The following CARMIL1 variants were observed in gnomAD, a reference collection of about 807,000 sequenced individuals.
CARMIL1 encodes F-actin-uncapping protein LRRC16A.
Under a neutral mutation model 177.1 loss-of-function variants are expected in CARMIL1, and 90 were observed. That is an observed-to-expected ratio of 0.51 (90% CI 0.43 to 0.61). The LOEUF (loss-of-function observed/expected upper bound fraction) is 0.61, where lower values mean the gene tolerates loss of function less well. Among genes scored for constraint, CARMIL1 ranks in the 20% least tolerant of loss-of-function variants. The pLI is 0.00. For missense variants in CARMIL1, 1,380 were observed against 1,667.0 expected (o/e 0.83, Z 3.00); for synonymous variants, 577 against 606.2 (o/e 0.95, Z 0.71).
chr6:25,349,963 G>A (rs1787952532), intron 2 of CARMIL1, among the ~76,000 whole-genome samples: 1 of 151,972 alleles, frequency 6.6e-6, no homozygotes. Flanking sequence ...TCCTGACCTC[G>A]TGATCCGCCC....
At chr6:25,537,409 T>A (rs1808409861) in intron 24 of CARMIL1, among the ~76,000 whole-genome samples, 1 of 152,198 alleles carries the variant, frequency 6.6e-6, no homozygotes, top group Non-Finnish European at 1.5e-5. Flanking sequence ...CATTTTGTAG[T>A]CATTACAACA....
At chr6:25,364,572 C>CTTTTTTTTTTTTTTTTTT (rs199573991) in intron 2 of CARMIL1, among the ~76,000 whole-genome samples, 7 of 150,464 alleles carry the variant, frequency 4.7e-5, no homozygotes, top group African/African-American at 7.3e-5. Context: ...TCTTTTTCTT[C>CTTTTTTTTTTTTTTTTTT]TTTTTTTTGA....
chr6:25,514,100 A>G (rs1347810798), intron 20 of CARMIL1, among the ~76,000 whole-genome samples: 1 of 152,230 alleles, frequency 6.6e-6, no homozygotes, highest in South Asian at 2.1e-4. Context: ...AGGAAGCTCT[A>G]TTAATTTATT....
At chr6:25,481,272 G>A (rs540382484) in intron 11 of CARMIL1, among the ~76,000 whole-genome samples, 3 of 152,274 alleles carry the variant, frequency 2.0e-5, no homozygotes, top group South Asian at 4.1e-4. Flanking sequence ...AACACAGTGG[G>A]GAAATAGAGG....
rs373424069 is a variant in CARMIL1, at chr6:25,619,548, G to T, written c.4081G>T (p.Gly1361Trp). ...TCAAGGCAGCAAATCTAATGACTCC[G>T]GGGAAGAAGCAGAAAAAGAGTTTAT... ...GHQGSKSNDS[G>W]EEAEKEFIFV The change falls in exon 37 of 37, where the codon GGG (glycine) becomes TGG (tryptophan). Residue 1361 changes from glycine (G) to tryptophan (W), a missense_variant. Gly to Trp is a radical substitution (Grantham distance 184, BLOSUM62 -2). Transcript: ENST00000329474. 1 of 1,613,786 alleles carries T rather than the reference G, an allele frequency of 6.2e-7. No individual in the cohort carries two copies. Among genetic ancestry groups the T allele is most frequent in the Admixed American group, 1.7e-5 (1 of 59,998 alleles).
At position 25,556,750 on chromosome 6, in the gene CARMIL1, T is replaced by C; in HGVS notation, c.2642T>C (p.Leu881Ser). The C allele has an allele frequency of 6.2e-7, 1 of 1,613,496 alleles. No individual in the cohort carries two copies. The highest frequency in any genetic ancestry group is 8.5e-7 in the Non-Finnish European group (1 of 1,179,650). ...AAGACCCTTCCTCAACAAGAATCCT[T>C]AGAGATCGAGCTGGCTGAGGAGAAG... ...RGKTLPQQES[L>S]EIELAEEKPV... is the part of the protein sequence containing the mutation. The change falls in exon 29 of 37, where the codon TTA becomes TCA. Residue 881 changes from leucine (L) to serine (S), a missense_variant. Transcript: ENST00000329474.
chr6:25,371,405 A>C (rs554878469), intron 2 of CARMIL1, among the ~76,000 whole-genome samples: 19 of 152,340 alleles, frequency 1.2e-4, no homozygotes, highest in African/African-American at 4.1e-4. Flanking sequence ...TTTTTACCAC[A>C]TCCATGCCAA....
At chr6:25,471,127 CT>C in intron 9 of CARMIL1, 41 bp from the exon 10 acceptor site, 1 of 1,332,520 alleles carries the variant, frequency 7.5e-7, no homozygotes, top group South Asian at 1.3e-5. Context: ...AGTTTTTCTT[CT>C]TTAGAGTTAT....
intron 9 of CARMIL1, 60 bp from the exon 10 acceptor site, chr6:25,471,109 A>G (rs1801063331): frequency 8.8e-7 from 1 of 1,135,884 alleles, no homozygotes; most frequent in African/African-American, 1.6e-5. Flanking sequence ...ATAGATTTAT[A>G]ACAATAAAGT....
intron 2 of CARMIL1, among the ~76,000 whole-genome samples, chr6:25,289,190 C>G (rs923470352): frequency 6.6e-6 from 1 of 152,084 alleles, no homozygotes; most frequent in Non-Finnish European, 1.5e-5. Flanking sequence ...TGAGTAGTTC[C>G]ACTCTGGGCT....
At chr6:25,292,851 G>A (rs1782084184) in intron 2 of CARMIL1, among the ~76,000 whole-genome samples, 1 of 152,018 alleles carries the variant, frequency 6.6e-6, no homozygotes, top group Non-Finnish European at 1.5e-5. Flanking sequence ...GGGACATTGT[G>A]GACATTAAGA....
intron 2 of CARMIL1, among the ~76,000 whole-genome samples, chr6:25,357,325 T>G (rs1019529334): frequency 6.6e-6 from 1 of 152,212 alleles, no homozygotes; most frequent in Non-Finnish European, 1.5e-5. Flanking sequence ...CTCATGCCTG[T>G]AAGCCCAGCA....
At chr6:25,495,008 T>C in intron 15 of CARMIL1, 103 bp from the exon 16 acceptor site, 1 of 657,382 alleles carries the variant, frequency 1.5e-6, no homozygotes, top group Non-Finnish European at 2.6e-6. Flanking sequence ...TTTAAATTTC[T>C]GCAGAAAATA....
chr6:25,581,575 T>C (rs1323289689), intron 31 of CARMIL1, 136 bp downstream of exon 31: 2 of 727,882 alleles, frequency 2.7e-6, no homozygotes, highest in Non-Finnish European at 2.2e-6. Flanking sequence ...TTGCATGAGA[T>C]ATACAAAGTA....
intron 2 of CARMIL1, among the ~76,000 whole-genome samples, chr6:25,342,702 T>C (rs1787066819): frequency 1.3e-5 from 2 of 152,212 alleles, no homozygotes; most frequent in African/African-American, 4.8e-5. Flanking sequence ...TTTTTCTCTT[T>C]GGATGATTTT....
chr6:25,459,241 T>TC (rs1799829494), intron 8 of CARMIL1, among the ~76,000 whole-genome samples: 1 of 98,050 alleles, frequency 1.0e-5, no homozygotes, highest in Non-Finnish European at 2.1e-5. Flanking sequence ...TTTCTTTCTT[T>TC]CTTTCTTTCT....
At chr6:25,332,104 T>C (rs1785683780) in intron 2 of CARMIL1, among the ~76,000 whole-genome samples, 1 of 152,192 alleles carries the variant, frequency 6.6e-6, no homozygotes, top group Non-Finnish European at 1.5e-5. Context: ...CTCCAAGTGA[T>C]CCTCTCGCCT....
chr6:25,361,955 A>G (rs1789241053), intron 2 of CARMIL1, among the ~76,000 whole-genome samples: 1 of 152,154 alleles, frequency 6.6e-6, no homozygotes, highest in Non-Finnish European at 1.5e-5. Context: ...GACCCATAAG[A>G]CAGAGCAAAA....
At chr6:25,300,905 A>G (rs80260721) in intron 2 of CARMIL1, among the ~76,000 whole-genome samples, 4,255 of 152,342 alleles carry the variant, frequency 0.028, 71 homozygotes, top group Non-Finnish European at 0.038. Flanking sequence ...AGAAATAAGT[A>G]TAACCTGCTA....
Sources: allele counts gnomAD v4.1 joint callset (sites outside exome capture counted in the v4.1 genomes callset), GRCh38; gene constraint gnomAD v4.1.1; transcripts MANE v1.5; gene names NCBI Gene and HGNC (gene_info 2026-07-23, HGNC 2026-07-21).